GRM5: variants seen among roughly 807,000 people sequenced by gnomAD.
GRM5 encodes the protein glutamate metabotropic receptor 5, also known as metabotropic glutamate receptor 5.
In GRM5, 19 loss-of-function variants were observed where a neutral mutation model predicts 83.1. The ratio of observed to expected loss-of-function variants is 0.23; its 90% CI spans 0.16 to 0.34. The LOEUF (loss-of-function observed/expected upper bound fraction) is 0.34, where lower values mean the gene tolerates loss of function less well. GRM5 is among the 10% of genes least tolerant of loss of function. The probability of loss-of-function intolerance (pLI) is 1.00; values close to 1 mark genes in which losing one functional copy is unlikely to be tolerated. For synonymous variants in GRM5, 675 were observed against 633.6 expected (o/e 1.07, Z -0.98); for missense variants, 1,160 against 1,588.3 (o/e 0.73, Z 4.58).
chr11:88,953,179 T>C (rs777736103), intron 2 of GRM5, among the ~76,000 whole-genome samples: 19 of 152,226 alleles, frequency 1.2e-4, no homozygotes, highest in Non-Finnish European at 2.5e-4. Context: ...TCGTGTTTAT[T>C]GTTTGCGGAT....
intron 4 of GRM5, among the ~76,000 whole-genome samples, chr11:88,615,967 A>T (rs901938757): frequency 6.6e-6 from 1 of 152,160 alleles, no homozygotes; most frequent in African/African-American, 2.4e-5. Context: ...AGAGCAGAGC[A>T]TATAAGAGCA....
intron 4 of GRM5, among the ~76,000 whole-genome samples, chr11:88,636,487 C>A (rs1939125988): frequency 6.6e-6 from 1 of 151,990 alleles, no homozygotes; most frequent in East Asian, 1.9e-4. Context: ...GATTGTGCCA[C>A]TGCACTACAG....
chr11:89,022,991 A>G (rs1941025053), intron 2 of GRM5, among the ~76,000 whole-genome samples: 1 of 152,134 alleles, frequency 6.6e-6, no homozygotes, highest in South Asian at 2.1e-4. Flanking sequence ...GGGTCCCAAG[A>G]ATGTGTATTT....
chr11:88,776,528 T>C (rs1176590082), intron 3 of GRM5, among the ~76,000 whole-genome samples: 3 of 152,236 alleles, frequency 2.0e-5, no homozygotes, highest in Admixed American at 6.5e-5. Context: ...AGTTTCTTCA[T>C]AGCATCGATG....
intron 8 of GRM5, among the ~76,000 whole-genome samples, chr11:88,538,544 A>AT (rs1362058411): frequency 3.9e-5 from 6 of 152,208 alleles, no homozygotes; most frequent in Admixed American, 3.9e-4. Flanking sequence ...GGACTGAGGA[A>AT]TTTTCAGACA....
intron 2 of GRM5, among the ~76,000 whole-genome samples, chr11:89,040,677 G>A (rs1941508982): frequency 6.6e-6 from 1 of 151,952 alleles, no homozygotes. Flanking sequence ...CTTCAGCCTG[G>A]GCAATAGAGA....
chr11:88,857,306 G>C (rs1944494015), intron 2 of GRM5, among the ~76,000 whole-genome samples: 1 of 151,994 alleles, frequency 6.6e-6, no homozygotes, highest in Non-Finnish European at 1.5e-5. Context: ...TTGAATAAAT[G>C]AGAGTTGTTT....
chr11:88,712,396 T>C (rs1040687261), intron 3 of GRM5, among the ~76,000 whole-genome samples: 1 of 151,990 alleles, frequency 6.6e-6, no homozygotes, highest in Non-Finnish European at 1.5e-5. Flanking sequence ...TGTTATGGTT[T>C]GGTAGAGAAA....
chr11:88,753,908 G>T (rs555243010), intron 3 of GRM5, among the ~76,000 whole-genome samples: 1 of 152,042 alleles, frequency 6.6e-6, no homozygotes, highest in African/African-American at 2.4e-5. Context: ...GGAAACTCCC[G>T]TTTTTAAAAA....
chr11:88,755,596 C>A (rs1056934272), intron 3 of GRM5, among the ~76,000 whole-genome samples: 10 of 152,092 alleles, frequency 6.6e-5, no homozygotes, highest in African/African-American at 2.2e-4. Flanking sequence ...CCTGCTAAGA[C>A]AAACATAATT....
At chr11:88,713,699 T>G (rs1941335046) in intron 3 of GRM5, among the ~76,000 whole-genome samples, 1 of 152,010 alleles carries the variant, frequency 6.6e-6, no homozygotes, top group South Asian at 2.1e-4. Flanking sequence ...TTTTCTCCAG[T>G]GGGAAATACA....
chr11:88,993,817 G>A (rs1940078860), intron 2 of GRM5, among the ~76,000 whole-genome samples: 1 of 152,102 alleles, frequency 6.6e-6, no homozygotes, highest in African/African-American at 2.4e-5. Flanking sequence ...GAGATGCAGT[G>A]ATGAAGTGAT....
intron 2 of GRM5, among the ~76,000 whole-genome samples, chr11:88,979,640 A>G (rs1333788936): frequency 6.6e-6 from 1 of 152,106 alleles, no homozygotes; most frequent in East Asian, 1.9e-4. Context: ...GCTTTGCCCA[A>G]AGTTGTCTTT....
chr11:88,966,824 C>T (rs1337203317), intron 2 of GRM5, among the ~76,000 whole-genome samples: 8 of 152,178 alleles, frequency 5.3e-5, no homozygotes, highest in Non-Finnish European at 8.8e-5. Context: ...CTGACCAAGG[C>T]GCATACTATG....
chr11:88,791,111 A>ATTTAT (rs1943164861), intron 3 of GRM5, among the ~76,000 whole-genome samples: 2 of 152,338 alleles, frequency 1.3e-5, no homozygotes. Flanking sequence ...TTAAACCAGT[A>ATTTAT]GCATGAACAG....
intron 2 of GRM5, among the ~76,000 whole-genome samples, chr11:88,991,425 C>T (rs369054650): frequency 9.9e-5 from 15 of 151,964 alleles, no homozygotes; most frequent in African/African-American, 2.2e-4. Flanking sequence ...ATCGTGAAAA[C>T]GGCCATACTG....
At chr11:88,938,155 T>C (rs1311129031) in intron 2 of GRM5, among the ~76,000 whole-genome samples, 1 of 151,702 alleles carries the variant, frequency 6.6e-6, no homozygotes, top group Non-Finnish European at 1.5e-5. Flanking sequence ...CAAAACATCA[T>C]GTTATACACT....
At chr11:88,887,610 A>T (rs1258909014) in intron 2 of GRM5, among the ~76,000 whole-genome samples, 2 of 152,164 alleles carry the variant, frequency 1.3e-5, no homozygotes, top group African/African-American at 4.8e-5. Context: ...GCCGGGACCC[A>T]GGAACCATGG....
chr11:88,898,514 G>A (rs185073246), intron 2 of GRM5, among the ~76,000 whole-genome samples: 122 of 151,952 alleles, frequency 8.0e-4, no homozygotes, highest in Middle Eastern at 3.4e-3. Flanking sequence ...TTAATTGAAA[G>A]ATTAAAATAA....
Sources: allele counts gnomAD v4.1 joint callset (sites outside exome capture counted in the v4.1 genomes callset), GRCh38; gene constraint gnomAD v4.1.1; transcripts MANE v1.5; gene names NCBI Gene and HGNC (gene_info 2026-07-23, HGNC 2026-07-21).